The following KCNG1 variants were observed in gnomAD, a reference collection of about 807,000 sequenced individuals.
KCNG1 encodes voltage-gated potassium channel regulatory subunit KCNG1.
A neutral mutation model predicts 32.4 loss-of-function variants in KCNG1; 17 were observed. That is an observed-to-expected ratio of 0.52 (90% CI 0.36 to 0.79). The LOEUF (loss-of-function observed/expected upper bound fraction) is 0.79. Ranked by LOEUF, KCNG1 falls within the 30% of genes least tolerant of loss-of-function variation. KCNG1 has a pLI of 0.00. For missense variants in KCNG1, 441 were observed against 735.2 expected (o/e 0.60, Z 4.63); for synonymous variants, 358 against 339.9 (o/e 1.05, Z -0.59).
intron 1 of KCNG1, chr20:51,012,355 T>G (rs1451859554): frequency 1.3e-5 from 2 of 152,248 alleles, no homozygotes; most frequent in Admixed American, 1.3e-4. Context: ...TTCACGGCAC[T>G]TACCACCAGT....
At position 51,004,692 on chromosome 20, in the gene KCNG1, G is replaced by A. The variant is rs1568794963; in HGVS notation, c.889C>T (p.Leu297=). 1 of 1,600,116 alleles carries A rather than the reference G, an allele frequency of 6.2e-7. No homozygotes were observed. Among genetic ancestry groups the A allele is most frequent in the African/African-American group, 1.3e-5 (1 of 74,812 alleles). The change falls in exon 3 of 3, where the codon CTG becomes TTG. Residue 297 remains leucine, a synonymous_variant. Coordinates refer to ENST00000371571, the MANE Select transcript of KCNG1 (RefSeq NM_002237.4). This position sits in a 1 kb window ranked among gnomAD's most constrained non-coding sequence, Gnocchi z 4.3. ...LIQAPSKFAF[L]RSPLTLIDLV... is the part of the protein sequence containing the mutation. ...TCGATCAGCGTCAGCGGGCTCCGCAGGAAGGCGAACTTGCTGGGCGCCTGA... is the reference window on the plus strand; with the variant it reads ...TCGATCAGCGTCAGCGGGCTCCGCAAGAAGGCGAACTTGCTGGGCGCCTGA...
rs752467072 is a variant in KCNG1, at chr20:51,004,605, G to C, written c.976C>G (p.Arg326Gly). 1 of 1,581,100 alleles carries C rather than the reference G, an allele frequency of 6.3e-7. No homozygotes were observed. Among genetic ancestry groups the C allele is most frequent in the African/African-American group, 1.3e-5 (1 of 74,290 alleles). The change falls in exon 3 of 3, where the codon CGC (arginine) becomes GGC (glycine). Residue 326 changes from arginine to glycine, a missense_variant. Around this residue, in one of 6 missense-constraint regions of KCNG1, gnomAD observed 169 missense variants for 297.7 expected, o/e 0.57. Coordinates refer to ENST00000371571, the MANE Select transcript of KCNG1 (RefSeq NM_002237.4). The surrounding 1 kb of genome is among the most constrained non-coding windows in gnomAD (Gnocchi z 4.3). The stretch of plus-strand genomic sequence containing the variant: ...TAGCTGTTGCCCGCGCCGGGCTTGC[G>C]ACGGCCTGCGGCGGCGCCGTCCACC... ...LLVDGAAAGR[R>G]KPGAGNSYLD...
intron 1 of KCNG1, among the ~76,000 whole-genome samples, chr20:51,016,280 T>C (rs1331262849): frequency 4.0e-5 from 6 of 151,816 alleles, no homozygotes; most frequent in Non-Finnish European, 8.8e-5. Context: ...CTACTAAAAA[T>C]ACAAAATTAA....
At chr20:51,008,341 G>T (rs1987918772) in intron 2 of KCNG1, among the ~76,000 whole-genome samples, 1 of 152,054 alleles carries the variant, frequency 6.6e-6, no homozygotes, top group Non-Finnish European at 1.5e-5. Flanking sequence ...AAAAAATTTT[G>T]TGTTTTAGAG....
intron 2 of KCNG1, chr20:51,006,938 A>T (rs1042468154): frequency 8.5e-5 from 13 of 152,332 alleles, no homozygotes; most frequent in Admixed American, 7.2e-4. Context: ...AGGCTCAAAG[A>T]GTTTAAGTAA....
intron 2 of KCNG1, chr20:51,006,856 C>G (rs6020903): frequency 6.6e-6 from 1 of 152,222 alleles, no homozygotes; most frequent in African/African-American, 2.4e-5. Flanking sequence ...TCACTTCATG[C>G]GAACTCACTG....
chr20:51,009,814 C>T lies in KCNG1; in HGVS notation c.525G>A (p.Glu175=), dbSNP rs765750119. 6.2e-6 allele frequency: 10 copies of T among 1,613,088 alleles called. No homozygotes were observed. The highest frequency in any genetic ancestry group is 2.7e-5 in the African/African-American group (2 of 74,948). Residue 175 remains glutamate (E), a synonymous_variant, in exon 2 of 3, where the codon GAG becomes GAA. Transcript: ENST00000371571. The stretch of plus-strand genomic sequence containing the variant: ...CCTCCCGCTCCACCATCTCCGCGAA[C>T]TCCTCAATCTTCTGCAGGTAGCGGC... ...CKRRYLQKIE[E]FAEMVEREEE...
At chr20:51,009,207 T>A (rs1019163313) in intron 2 of KCNG1, among the ~76,000 whole-genome samples, 1 of 152,222 alleles carries the variant, frequency 6.6e-6, no homozygotes, top group Non-Finnish European at 1.5e-5. Context: ...ATATATGTAA[T>A]GTGCTTCGCT....
At chr20:51,007,531 A>G (rs1987878484) in intron 2 of KCNG1, among the ~76,000 whole-genome samples, 1 of 150,678 alleles carries the variant, frequency 6.6e-6, no homozygotes, top group Non-Finnish European at 1.5e-5. Flanking sequence ...AGTTAACCTT[A>G]CTGGTTGAAT....
chr20:51,016,793 C>G (rs1250552240), intron 1 of KCNG1, among the ~76,000 whole-genome samples: 1 of 152,152 alleles, frequency 6.6e-6, no homozygotes, highest in Admixed American at 6.5e-5. Flanking sequence ...GTCCGCTGCC[C>G]CCCTCCCTGC....
At chr20:51,013,602 C>G (rs1208288558) in intron 1 of KCNG1, 1 of 152,156 alleles carries the variant, frequency 6.6e-6, no homozygotes, top group Non-Finnish European at 1.5e-5. Context: ...CACATCATCC[C>G]TCTACTACTC....
At chr20:51,017,222 G>T (rs1459768467) in intron 1 of KCNG1, among the ~76,000 whole-genome samples, 1 of 152,218 alleles carries the variant, frequency 6.6e-6, no homozygotes, top group Non-Finnish European at 1.5e-5. Context: ...GAAGCCTGCA[G>T]ATTGCCCAGG....
chr20:51,019,637 T>C (rs1390678536), intron 1 of KCNG1, among the ~76,000 whole-genome samples: 1 of 152,216 alleles, frequency 6.6e-6, no homozygotes, highest in Non-Finnish European at 1.5e-5. Context: ...ATTTCTCTCC[T>C]GTACTCTGCA....
chr20:51,008,713 A>C (rs547020331), intron 2 of KCNG1, among the ~76,000 whole-genome samples: 1 of 152,240 alleles, frequency 6.6e-6, no homozygotes, highest in East Asian at 1.9e-4. Flanking sequence ...TTGGCAACCA[A>C]GTCAAATTTT....
chr20:51,004,860 A>G lies in KCNG1; in HGVS notation c.775-54T>C. 1 of 1,467,548 alleles carries G rather than the reference A, an allele frequency of 6.8e-7. No individual in the cohort carries two copies. 90.9% of individuals were successfully genotyped at this position (1,467,548 alleles called of 1,614,324 possible). On this transcript the variant is annotated intron_variant, in intron 2 of 2. Coordinates refer to ENST00000371571, the MANE Select transcript of KCNG1 (RefSeq NM_002237.4). The surrounding 1 kb of genome is among the most constrained non-coding windows in gnomAD (Gnocchi z 4.3). ...GGGTCAGCGGGCCCTCCAGGAAAGG[A>G]GGGCAGAAGCTCTGCCCTGTGCCCT...
intron 1 of KCNG1, among the ~76,000 whole-genome samples, chr20:51,021,742 A>C (rs1471428469): frequency 6.6e-6 from 1 of 152,112 alleles, no homozygotes; most frequent in Non-Finnish European, 1.5e-5. Flanking sequence ...TAAGTGCTTA[A>C]TAACAGCGAG....
chr20:51,018,896 C>A (rs1410892936), intron 1 of KCNG1, among the ~76,000 whole-genome samples: 1 of 152,156 alleles, frequency 6.6e-6, no homozygotes, highest in Non-Finnish European at 1.5e-5. Flanking sequence ...GTGTCTCCAC[C>A]CCTTGCAGTG....
Position 51,009,984 on chromosome 20 carries a change from G to T in KCNG1, c.355C>A (p.Arg119Ser). ...ATAGTGCCGAAGGCCCCCGGGTTGCGGTCGAAGAAGAACTCGTTGCAGGTG... is the reference window on the plus strand; with the variant it reads ...ATAGTGCCGAAGGCCCCCGGGTTGCTGTCGAAGAAGAACTCGTTGCAGGTG... ...DVTCNEFFFD[R>S]NPGAFGTILT... Residue 119 changes from arginine (R) to serine (S), a missense_variant, in exon 2 of 3, where the codon CGC (arginine) becomes AGC (serine). Coordinates refer to ENST00000371571, the MANE Select transcript of KCNG1 (RefSeq NM_002237.4). 1 of 1,614,010 alleles carries T rather than the reference G, an allele frequency of 6.2e-7. No individual in the cohort carries two copies. The highest frequency in any genetic ancestry group is 8.5e-7 in the Non-Finnish European group (1 of 1,179,978).
intron 1 of KCNG1, among the ~76,000 whole-genome samples, chr20:51,016,429 T>C (rs1988282278): frequency 6.6e-6 from 1 of 151,650 alleles, no homozygotes; most frequent in Non-Finnish European, 1.5e-5. Flanking sequence ...AGAGTGAGAC[T>C]CTGTCTTGAA....
Sources: gnomAD v4.1 joint callset for allele counts (sites outside exome capture counted in the v4.1 genomes callset) on GRCh38, gnomAD v4.1.1 for gene constraint, gnomAD v4.1.1 regional missense constraint, Gnocchi (gnomAD v3.1) non-coding constraint, MANE v1.5 for transcripts, NCBI Gene and HGNC (gene_info 2026-07-23, HGNC 2026-07-21) for gene names.